The following CDK13 variants were observed in gnomAD, a reference collection of about 807,000 sequenced individuals.
The protein encoded by CDK13 is cyclin dependent kinase 13.
A neutral mutation model predicts 137.6 loss-of-function variants in CDK13; 40 were observed. The observed-to-expected ratio is 0.29, with a 90% CI of 0.23 to 0.38. The LOEUF is 0.38. Among genes scored for constraint, CDK13 ranks in the 10% least tolerant of loss-of-function variants. CDK13 has a pLI of 1.00. For synonymous variants in CDK13, 869 were observed against 760.1 expected (o/e 1.14, Z -2.36); for missense variants, 1,704 against 1,951.8 (o/e 0.87, Z 2.39).
In CDK13 at chr7:40,006,533, G is replaced by A. The variant is rs1464345704; in HGVS notation, c.2353+4502G>A. 2.6e-5 allele frequency among the ~76,000 whole-genome samples: 4 copies of A among 152,184 alleles called. No homozygotes were observed. In the East Asian group the frequency reaches 7.7e-4, roughly 29 times the overall value. ...GTGCTGTTTATAATTCTCTGGGTAG[G>A]CTGAGTGTGGTGGCTAACACCTGTA... is the stretch of plus-strand genomic sequence containing the variant. On this transcript the variant is annotated intron_variant, in intron 5 of 13. Coordinates refer to ENST00000181839, the MANE Select transcript of CDK13 (RefSeq NM_003718.5).
rs193010894 is a variant in CDK13 at position 40,073,176 on chromosome 7, T to C, written c.2781-4829T>C. ...TACTGTCATTATCATTTTAACATTG[T>C]TTAGTAATTGCCACATAATGTAACA... On this transcript the variant is annotated intron_variant, in intron 9 of 13. Coordinates refer to ENST00000181839, the MANE Select transcript of CDK13 (RefSeq NM_003718.5). 7 of 152,270 alleles carry C rather than the reference T, an allele frequency of 4.6e-5. No homozygotes were observed. In the East Asian group the frequency reaches 9.6e-4, roughly 21 times the overall value. 9.4% of individuals were successfully genotyped at this position (152,270 alleles called of 1,614,324 possible).
At position 40,049,899 on chromosome 7, in the gene CDK13, A is replaced by G. The variant is rs73392738; in HGVS notation, c.2600+2022A>G. On this transcript the variant is annotated intron_variant, in intron 7 of 13. Transcript: ENST00000181839. ...GCGCTTCACGTTCATCCATGTTGTC[A>G]TAAATGACAGGATTTCCTTGTTTTT... is the stretch of plus-strand genomic sequence containing the variant. 8.8e-3 allele frequency among the ~76,000 whole-genome samples: 1,346 copies of G among 152,212 alleles called. 20 individuals are homozygous for G. The highest frequency in any genetic ancestry group is 0.031 in the African/African-American group (1,274 of 41,442).
intron 5 of CDK13, among the ~76,000 whole-genome samples, chr7:40,044,018 T>A (rs2150514021): frequency 6.6e-6 from 1 of 151,098 alleles, no homozygotes; most frequent in East Asian, 2.0e-4. Context: ...TGCCTCAGCC[T>A]CTGGAGCAGC....
intron 5 of CDK13, among the ~76,000 whole-genome samples, chr7:40,003,432 C>G (rs564523829): frequency 2.1e-4 from 32 of 152,108 alleles, no homozygotes; most frequent in African/African-American, 7.7e-4. Context: ...TTTTTCATTA[C>G]TACTTATTGT....
chr7:39,957,309 C>CTAGATGA (rs772284757), intron 1 of CDK13, among the ~76,000 whole-genome samples: 1 of 151,582 alleles, frequency 6.6e-6, no homozygotes. Context: ...AGTTTTTTTT[C>CTAGATGA]CTGTGCCCCC....
At chr7:40,093,631 G>A (rs1362984898) in intron 13 of CDK13, among the ~76,000 whole-genome samples, 1 of 152,172 alleles carries the variant, frequency 6.6e-6, no homozygotes. Context: ...ACGGCTGGGT[G>A]CAGTGGCTCA....
At chr7:39,952,245 A>C (rs1171521880) in intron 1 of CDK13, 4 of 166,122 alleles carry the variant, frequency 2.4e-5, no homozygotes, top group African/African-American at 9.5e-5. Context: ...CATTGTTGGG[A>C]ATTTAGGAAT....
At chr7:40,030,476 A>AGG (rs1440116703) in intron 5 of CDK13, among the ~76,000 whole-genome samples, 1 of 122,102 alleles carries the variant, frequency 8.2e-6, no homozygotes, top group Admixed American at 1.1e-4. Context: ...TCTGACACCC[A>AGG]GGCTGGAGTG....
rs774117272 is a variant in CDK13 at position 40,094,373 on chromosome 7, C to A, written c.3932C>A (p.Pro1311His). 6.2e-7 allele frequency: 1 copy of A among 1,613,938 alleles called. No homozygotes were observed. The highest frequency in any genetic ancestry group is 8.5e-7 in the Non-Finnish European group (1 of 1,179,990). Residue 1311 changes from proline (P) to histidine (H), a missense_variant, in exon 14 of 14, where the codon CCC (proline) becomes CAC (histidine). Transcript: ENST00000181839. Reference protein sequence around the residue: ...ALLQLLAQHQPQDDPKREGGI... With the variant: ...ALLQLLAQHQHQDDPKREGGI... ...TTACAGCTGCTTGCTCAGCATCAGC[C>A]CCAGGATGACCCCAAAAGAGAAGGT...
chr7:39,963,338 A>G (rs984423087), intron 1 of CDK13, among the ~76,000 whole-genome samples: 4 of 152,188 alleles, frequency 2.6e-5, no homozygotes, highest in African/African-American at 7.2e-5. Flanking sequence ...GAGGTCCTTC[A>G]CATCCCTTGT....
rs1472362535 is a variant in CDK13 at position 40,094,874 on chromosome 7, G to C, written c.4433G>C (p.Gly1478Ala). Residue 1478 changes from glycine (G) to alanine (A), a missense_variant, in exon 14 of 14, where the codon GGA (glycine) becomes GCA (alanine). This residue lies in a region of CDK13 where 475 missense variants were observed against 579.3 expected (regional missense o/e 0.82). Coordinates refer to ENST00000181839, the MANE Select transcript of CDK13 (RefSeq NM_003718.5). ...ENPSGPSLMHGQTWTSPAQGP... is the reference protein window; with the variant it reads ...ENPSGPSLMHAQTWTSPAQGP... ...CCGAGTGGCCCCAGCCTCATGCATGGACAGACCTGGACTTCTCCTGCCCAA... is the reference window on the plus strand; with the variant it reads ...CCGAGTGGCCCCAGCCTCATGCATGCACAGACCTGGACTTCTCCTGCCCAA... 6.6e-7 allele frequency: 1 copy of C among 1,521,782 alleles called. No individual in the cohort carries two copies. The highest frequency in any genetic ancestry group is 2.2e-5 in the Admixed American group (1 of 45,012). The allele number at this position is 1,521,782 out of a possible 1,614,324, so 94.3% of individuals were successfully genotyped here.
chr7:40,056,932 A>T (rs970118791), intron 7 of CDK13, among the ~76,000 whole-genome samples: 7 of 152,208 alleles, frequency 4.6e-5, no homozygotes, highest in African/African-American at 1.4e-4. Flanking sequence ...AAAGAATGAG[A>T]AGTTTATATA....
intron 5 of CDK13, among the ~76,000 whole-genome samples, chr7:40,003,198 A>ACTCTCTCTCTCT (rs1408905892): frequency 3.4e-5 from 3 of 89,414 alleles, no homozygotes; most frequent in African/African-American, 1.3e-4. Context: ...ACACACACAC[A>ACTCTCTCTCTCT]CACACACACT....
intron 11 of CDK13, 80 bp downstream of exon 11, chr7:40,078,931 A>G (rs1286845900): frequency 2.1e-6 from 1 of 473,710 alleles, no homozygotes; most frequent in African/African-American, 2.1e-5. Context: ...AACATATATA[A>G]TAAGATATTT....
At chr7:40,025,631 G>T (rs1052089785) in intron 5 of CDK13, among the ~76,000 whole-genome samples, 2 of 152,084 alleles carry the variant, frequency 1.3e-5, no homozygotes, top group Non-Finnish European at 2.9e-5. Context: ...CTTCCATTAG[G>T]AATAATCTTA....
chr7:39,976,323 T>TCTCTCACA lies in CDK13; in HGVS notation c.1212-11275_1212-11274insTCTCACAC. On this transcript the variant is annotated intron_variant, in intron 1 of 13. Transcript: ENST00000181839. Reference sequence around the variant, plus strand: ...CTCTCTCTCTCTCTCTCTCTCTCTCTCACACACACACACACACACACACAC... The same window carrying TCTCTCACA: ...CTCTCTCTCTCTCTCTCTCTCTCTCTCTCTCACACACACACACACACACACACACACAC... Among the ~76,000 whole-genome samples the TCTCTCACA allele has an allele frequency of 1.9e-3, 77 of 39,546 alleles. 1 individual carries two copies. The highest frequency in any genetic ancestry group is 2.3e-3 in the South Asian group (2 of 864). 25.9% of individuals were successfully genotyped at this position (39,546 alleles called of 152,430 possible). A position where few individuals can be genotyped will look rare whatever the true frequency, so the allele number is the denominator to read the frequency against.
At chr7:40,024,200 C>G (rs1015198094) in intron 5 of CDK13, among the ~76,000 whole-genome samples, 9 of 152,120 alleles carry the variant, frequency 5.9e-5, no homozygotes, top group African/African-American at 2.2e-4. Flanking sequence ...AACTGCTTCC[C>G]TCTCCACTCA....
At chr7:39,968,746 G>T (rs1583921137) in intron 1 of CDK13, among the ~76,000 whole-genome samples, 1 of 152,134 alleles carries the variant, frequency 6.6e-6, no homozygotes, top group African/African-American at 2.4e-5. Flanking sequence ...GATACCTCCA[G>T]CCTTGTTCTT....
Position 39,950,845 on chromosome 7 carries a change from C to A in CDK13, c.204C>A (p.Ala68=), listed in dbSNP as rs1472862554. ...TCCTGGCTGCTCCCGGCACGGCCGCCGCCGCAGCCGCCGCCGCCGCGGCCT... is the reference window on the plus strand; with the variant it reads ...TCCTGGCTGCTCCCGGCACGGCCGCAGCCGCAGCCGCCGCCGCCGCGGCCT... The part of the protein sequence containing the change: ...LLFLAAPGTA[A]AAAAAAAASS... Residue 68 remains alanine, a synonymous_variant, in exon 1 of 14, where the codon GCC becomes GCA. Transcript: ENST00000181839. 1 of 1,374,190 alleles carries A rather than the reference C, an allele frequency of 7.3e-7. No individual in the cohort carries two copies. The highest frequency in any genetic ancestry group is 9.3e-7 in the Non-Finnish European group (1 of 1,074,700). The allele number at this position is 1,374,190 out of a possible 1,614,324, so 85.1% of individuals were successfully genotyped here.
Sources: allele counts gnomAD v4.1 joint callset (sites outside exome capture counted in the v4.1 genomes callset), GRCh38; gene constraint gnomAD v4.1.1; regional missense constraint gnomAD v4.1.1; transcripts MANE v1.5; gene names NCBI Gene and HGNC (gene_info 2026-07-23, HGNC 2026-07-21).